The following GALNT5 variants were observed in gnomAD, a reference collection of about 807,000 sequenced individuals.
The protein encoded by GALNT5 is polypeptide N-acetylgalactosaminyltransferase 5.
A neutral mutation model predicts 85.4 loss-of-function variants in GALNT5; 72 were observed. That is an observed-to-expected ratio of 0.84 (90% CI 0.70 to 1.03). The LOEUF (loss-of-function observed/expected upper bound fraction) is 1.03, where lower values mean the gene tolerates loss of function less well. GALNT5 is among the 50% of genes least tolerant of loss of function. GALNT5 has a pLI of 0.00. For synonymous variants in GALNT5, 404 were observed against 397.0 expected (o/e 1.02, Z -0.21); for missense variants, 1,137 against 1,135.5 (o/e 1.00, Z -0.02).
At position 157,317,025 on chromosome 2, in the gene GALNT5, T is replaced by C. The variant is rs925424674; in HGVS notation, c.*5677T>C. Reference sequence around the variant, plus strand: ...TTCTGTTTTATTATTGATTGACAGATATTTACCAGTTTAAGGATATTGGTC... The same window carrying C: ...TTCTGTTTTATTATTGATTGACAGACATTTACCAGTTTAAGGATATTGGTC... On this transcript the variant is annotated 3_prime_UTR_variant, in exon 10 of 10. Coordinates refer to ENST00000259056, the MANE Select transcript of GALNT5 (RefSeq NM_014568.3). Among the ~76,000 whole-genome samples, 1 of 151,788 alleles carries C rather than the reference T, an allele frequency of 6.6e-6. No homozygotes were observed.
At chr2:157,308,471 T>C (rs1683499395) in intron 8 of GALNT5, 96 bp from the exon 9 acceptor site, 2 of 817,258 alleles carry the variant, frequency 2.4e-6, no homozygotes, top group African/African-American at 1.7e-5. Flanking sequence ...CAGATCATAG[T>C]TCCTATATTC....
intron 1 of GALNT5, among the ~76,000 whole-genome samples, chr2:157,260,280 G>A (rs1682307667): frequency 6.6e-6 from 1 of 152,218 alleles, no homozygotes; most frequent in South Asian, 2.1e-4. Flanking sequence ...TGCAAAGGAG[G>A]AGGCAGTCAT....
At chr2:157,301,676 T>C (rs964541695) in intron 7 of GALNT5, 1 of 152,494 alleles carries the variant, frequency 6.6e-6, no homozygotes, top group African/African-American at 2.4e-5. Context: ...AGGATTTTAT[T>C]TCTTTCCTTC....
At position 157,295,789 on chromosome 2, in the gene GALNT5, AG is replaced by A; in HGVS notation, c.1870del (p.Asp624IlefsTer2). ...CCAGTAATCGAAGTCATCAATGATA[AG>A]GATATGAGGTAATATTTACACATTC... ...ACPVIEVINDKDMSYMTVDNF... is the reference protein window; with the variant it reads ...ACPVIEVINDXDMSYMTVDNF... On this transcript the variant is annotated frameshift_variant, in exon 4 of 10. Coordinates refer to ENST00000259056, the MANE Select transcript of GALNT5 (RefSeq NM_014568.3). LOFTEE classifies it high-confidence loss of function. 6.2e-7 allele frequency: 1 copy of A among 1,601,632 alleles called. No homozygotes were observed. The highest frequency in any genetic ancestry group is 8.5e-7 in the Non-Finnish European group (1 of 1,170,848).
intron 3 of GALNT5, among the ~76,000 whole-genome samples, chr2:157,287,186 A>C (rs1682999940): frequency 1.3e-5 from 2 of 152,162 alleles, no homozygotes; most frequent in Admixed American, 1.3e-4. Flanking sequence ...ATTAAGAAGT[A>C]ATTTGTGGAA....
chr2:157,300,021 G>A (rs752276464), intron 6 of GALNT5, among the ~76,000 whole-genome samples: 4 of 152,172 alleles, frequency 2.6e-5, no homozygotes, highest in Admixed American at 6.5e-5. Context: ...ATCTGTAATG[G>A]ATCATCTTAG....
At chr2:157,292,704 GTAT>G (rs1181310856) in intron 3 of GALNT5, among the ~76,000 whole-genome samples, 1 of 151,444 alleles carries the variant, frequency 6.6e-6, no homozygotes, top group African/African-American at 2.4e-5. Context: ...AGTAGAAATC[GTAT>G]TATTATTTTT....
rs1191300818 is a variant in GALNT5 at position 157,259,301 on chromosome 2, CAG to C, written c.1222_1223del (p.His409TyrfsTer7). On this transcript the variant is annotated frameshift_variant, in exon 1 of 10. Coordinates refer to ENST00000259056, the MANE Select transcript of GALNT5 (RefSeq NM_014568.3). LOFTEE classifies it high-confidence loss of function. Reference protein sequence around the residue: ...TAKAPSTEYNQSHIKALLPED... With the variant: ...TAKAPSTEYNXSHIKALLPED... ...CAAAGCCCCCTCTACAGAATACAACCAGAGTCATATAAAAGCCCTTTTACCTG... is the reference window on the plus strand; with the variant it reads ...CAAAGCCCCCTCTACAGAATACAACCAGTCATATAAAAGCCCTTTTACCTG... 6 of 1,602,608 alleles carry C rather than the reference CAG, an allele frequency of 3.7e-6. No individual in the cohort carries two copies. Among genetic ancestry groups the C allele is most frequent in the Non-Finnish European group, 4.3e-6 (5 of 1,175,636 alleles).
At chr2:157,272,824 T>C (rs917433811) in intron 1 of GALNT5, among the ~76,000 whole-genome samples, 1 of 152,200 alleles carries the variant, frequency 6.6e-6, no homozygotes, top group Non-Finnish European at 1.5e-5. Context: ...TTGTGAATAG[T>C]GCTGAATTGT....
intron 7 of GALNT5, chr2:157,302,273 A>T (rs982844430): frequency 6.6e-6 from 1 of 152,200 alleles, no homozygotes; most frequent in Non-Finnish European, 1.5e-5. Flanking sequence ...AAAACTTACT[A>T]TAATATTCCC....
At chr2:157,304,774 A>G (rs2271601) in intron 7 of GALNT5, among the ~76,000 whole-genome samples, 3,515 of 152,252 alleles carry the variant, frequency 0.023, 160 homozygotes, top group East Asian at 0.18. Context: ...TTTCTTGTTC[A>G]CTAAGCTAAG....
chr2:157,317,672 A>C lies in GALNT5; in HGVS notation c.*6324A>C, dbSNP rs1683746649. Reference sequence around the variant, plus strand: ...CGACTGAAGTTATTATAAAGAAGGAATCAAGTATGTAACTTTAAATTCTAG... The same window carrying C: ...CGACTGAAGTTATTATAAAGAAGGACTCAAGTATGTAACTTTAAATTCTAG... On this transcript the variant is annotated 3_prime_UTR_variant, in exon 10 of 10. Coordinates refer to ENST00000259056, the MANE Select transcript of GALNT5 (RefSeq NM_014568.3). Among the ~76,000 whole-genome samples, 1 of 152,138 alleles carries C rather than the reference A, an allele frequency of 6.6e-6. No individual in the cohort carries two copies. Among genetic ancestry groups the C allele is most frequent in the Admixed American group, 6.6e-5 (1 of 15,248 alleles).
In GALNT5 at chr2:157,313,868, A is replaced by G. The variant is rs1349439875; in HGVS notation, c.*2520A>G. ...CAAAGGATTGTTTTTGAACATCACA[A>G]ATTTGTTCTTGGATAGAATTTTATA... On this transcript the variant is annotated 3_prime_UTR_variant, in exon 10 of 10. Coordinates refer to ENST00000259056, the MANE Select transcript of GALNT5 (RefSeq NM_014568.3). 6.6e-6 allele frequency: 1 copy of G among 152,106 alleles called. No individual in the cohort carries two copies. Among genetic ancestry groups the G allele is most frequent in the Non-Finnish European group, 1.5e-5 (1 of 68,018 alleles). The allele number at this position is 152,106 out of a possible 1,614,324, so 9.4% of individuals were successfully genotyped here.
At chr2:157,267,655 G>A (rs553794042) in intron 1 of GALNT5, among the ~76,000 whole-genome samples, 5 of 152,122 alleles carry the variant, frequency 3.3e-5, no homozygotes, top group Admixed American at 6.6e-5. Flanking sequence ...ACAGCTTCCT[G>A]CTCAAAACAG....
Position 157,317,786 on chromosome 2 carries a change from T to C in GALNT5, c.*6438T>C, listed in dbSNP as rs958480736. 1.3e-5 allele frequency among the ~76,000 whole-genome samples: 2 copies of C among 152,154 alleles called. No individual in the cohort carries two copies. Among genetic ancestry groups the C allele is most frequent in the Non-Finnish European group, 2.9e-5 (2 of 68,006 alleles). The stretch of plus-strand genomic sequence containing the variant: ...TAGAGATCATCATTTGATTTTGTAG[T>C]TTGCCATGTTCTGAGTGAGTTCAGC... On this transcript the variant is annotated 3_prime_UTR_variant, in exon 10 of 10. Transcript: ENST00000259056.
At position 157,258,273 on chromosome 2, in the gene GALNT5, G is replaced by A. The variant is rs772190687; in HGVS notation, c.191G>A (p.Gly64Glu). 18 of 1,602,348 alleles carry A rather than the reference G, an allele frequency of 1.1e-5. 1 individual carries two copies. The South Asian group carries it at 1.8e-4, about 16-fold the overall frequency. Reference sequence around the variant, plus strand: ...GGATTCAGAGTTCAGCCAGACCAAGGAAAAATTTTTTACAGCAGCATAAAA... The same window carrying A: ...GGATTCAGAGTTCAGCCAGACCAAGAAAAAATTTTTTACAGCAGCATAAAA... Reference protein sequence around the residue: ...RIGFRVQPDQGKIFYSSIKEM... With the variant: ...RIGFRVQPDQEKIFYSSIKEM... The change falls in exon 1 of 10, where the codon GGA becomes GAA. Residue 64 changes from glycine to glutamate, a missense_variant. Transcript: ENST00000259056.
chr2:157,304,986 T>C (rs916411825), intron 7 of GALNT5, among the ~76,000 whole-genome samples: 25 of 152,172 alleles, frequency 1.6e-4, no homozygotes, highest in Admixed American at 3.9e-4. Flanking sequence ...ACATGTCCTA[T>C]AGATTCGGCT....
At chr2:157,285,562 A>C (rs2105144217) in intron 2 of GALNT5, among the ~76,000 whole-genome samples, 1 of 152,260 alleles carries the variant, frequency 6.6e-6, no homozygotes. Context: ...AAGAGAGAAA[A>C]GGTGTAATGG....
At chr2:157,261,688 T>C (rs1221310801) in intron 1 of GALNT5, among the ~76,000 whole-genome samples, 3 of 152,212 alleles carry the variant, frequency 2.0e-5, no homozygotes, top group East Asian at 3.9e-4. Context: ...GGATAAATCA[T>C]TTTTTGTTCT....
Sources: allele counts gnomAD v4.1 joint callset (sites outside exome capture counted in the v4.1 genomes callset), GRCh38; gene constraint gnomAD v4.1.1; transcripts MANE v1.5; gene names NCBI Gene and HGNC (gene_info 2026-07-23, HGNC 2026-07-21).